RIMS2: variants seen among roughly 807,000 people sequenced by gnomAD.
The protein encoded by RIMS2 is regulating synaptic membrane exocytosis protein 2.
In RIMS2, 59 loss-of-function variants were observed where a neutral mutation model predicts 174.4. The observed-to-expected ratio is 0.34, with a 90% CI of 0.27 to 0.42. RIMS2 has a LOEUF of 0.42. Ranked by LOEUF, RIMS2 falls within the 10% of genes least tolerant of loss-of-function variation. The probability of loss-of-function intolerance (pLI) is 1.00; values close to 1 mark genes in which losing one functional copy is unlikely to be tolerated. For synonymous variants in RIMS2, 606 were observed against 572.5 expected (o/e 1.06, Z -0.84); for missense variants, 1,620 against 1,666.3 (o/e 0.97, Z 0.48).
intron 2 of RIMS2, among the ~76,000 whole-genome samples, chr8:103,753,986 G>A (rs943938240): frequency 6.6e-6 from 1 of 152,040 alleles, no homozygotes; most frequent in African/African-American, 2.4e-5. Context: ...GAATGTGTTT[G>A]CTCTTGCTAC....
At chr8:103,839,863 A>G (rs577251501) in intron 3 of RIMS2, among the ~76,000 whole-genome samples, 1 of 152,046 alleles carries the variant, frequency 6.6e-6, no homozygotes, top group African/African-American at 2.4e-5. Context: ...AGCGCAAAAC[A>G]AAAACAAAAA....
chr8:104,190,237 G>C (rs1380913935), intron 19 of RIMS2, among the ~76,000 whole-genome samples: 2 of 152,082 alleles, frequency 1.3e-5, no homozygotes, highest in Non-Finnish European at 2.9e-5. Context: ...AAGAGTTCAA[G>C]GCTGCAGTGG....
chr8:103,868,208 G>A (rs2099092988), intron 3 of RIMS2, among the ~76,000 whole-genome samples: 2 of 151,932 alleles, frequency 1.3e-5, no homozygotes, highest in Non-Finnish European at 1.5e-5. Flanking sequence ...TAAGGTTCTA[G>A]TATTATAAAT....
intron 1 of RIMS2, chr8:103,568,665 C>G: frequency 1.5e-6 from 1 of 659,088 alleles, no homozygotes; most frequent in South Asian, 1.4e-5. Context: ...AAGCATTTCC[C>G]TAGATAAACA....
At chr8:103,552,359 T>C (rs961501907) in intron 1 of RIMS2, among the ~76,000 whole-genome samples, 10 of 152,186 alleles carry the variant, frequency 6.6e-5, no homozygotes, top group African/African-American at 1.9e-4. Context: ...AAGGATGCCC[T>C]GTTTAATAAA....
At chr8:103,523,277 A>AT (rs1472174046) in intron 1 of RIMS2, among the ~76,000 whole-genome samples, 2 of 152,076 alleles carry the variant, frequency 1.3e-5, no homozygotes, top group Non-Finnish European at 1.5e-5. Context: ...TCATCATTTG[A>AT]TTTTGCATTG....
rs145315847 is a variant in RIMS2 at position 103,955,532 on chromosome 8, C to T, written c.2702-5533C>T. On this transcript the variant is annotated intron_variant, in intron 14 of 23. Transcript: ENST00000504942. ...TTATCTCAATAGATGCAGAAAAGGCCTTAAACAAAATTCAACACCCCTTCA... is the reference window on the plus strand; with the variant it reads ...TTATCTCAATAGATGCAGAAAAGGCTTTAAACAAAATTCAACACCCCTTCA... Among the ~76,000 whole-genome samples the T allele has an allele frequency of 3.0e-3, 460 of 152,160 alleles. 2 individuals are homozygous for T. The highest frequency in any genetic ancestry group is 0.01 in the African/African-American group (427 of 41,506).
chr8:104,042,216 G>C (rs2096621215), intron 19 of RIMS2, among the ~76,000 whole-genome samples: 1 of 151,502 alleles, frequency 6.6e-6, no homozygotes, highest in Non-Finnish European at 1.5e-5. Context: ...GAATTTAGTT[G>C]AATATTAAAC....
At chr8:103,568,828 C>G in intron 1 of RIMS2, 1 of 1,146,114 alleles carries the variant, frequency 8.7e-7, no homozygotes, top group Non-Finnish European at 1.3e-6. Context: ...TGAGCATATT[C>G]TTCTGTAGGG....
intron 4 of RIMS2, among the ~76,000 whole-genome samples, chr8:103,894,218 C>T (rs1032014562): frequency 1.3e-5 from 2 of 148,692 alleles, no homozygotes; most frequent in African/African-American, 5.2e-5. Flanking sequence ...TGAATCTTAA[C>T]TAATGTCAAG....
At chr8:103,875,450 T>C (rs1417990910) in intron 3 of RIMS2, among the ~76,000 whole-genome samples, 1 of 152,004 alleles carries the variant, frequency 6.6e-6, no homozygotes, top group African/African-American at 2.4e-5. Flanking sequence ...TTTCCTTATA[T>C]TTTATTGCTG....
intron 19 of RIMS2, among the ~76,000 whole-genome samples, chr8:104,097,422 A>G (rs1400848102): frequency 6.6e-6 from 1 of 152,174 alleles, no homozygotes; most frequent in Non-Finnish European, 1.5e-5. Context: ...GTTGTTTGGC[A>G]TCATATCATT....
At chr8:103,897,496 A>G (rs1288367179) in intron 4 of RIMS2, among the ~76,000 whole-genome samples, 1 of 151,662 alleles carries the variant, frequency 6.6e-6, no homozygotes, top group Non-Finnish European at 1.5e-5. Context: ...TTACCTTCAT[A>G]TGCATTTTAC....
intron 3 of RIMS2, among the ~76,000 whole-genome samples, chr8:103,870,457 C>A (rs901122422): frequency 6.6e-6 from 1 of 151,878 alleles, no homozygotes; most frequent in Non-Finnish European, 1.5e-5. Context: ...ACATTAATGG[C>A]ATAATGTCTT....
chr8:103,599,283 A>C (rs891051731), intron 1 of RIMS2, among the ~76,000 whole-genome samples: 2 of 151,244 alleles, frequency 1.3e-5, no homozygotes, highest in Admixed American at 1.3e-4. Flanking sequence ...AAGTGGGGAA[A>C]TTCAGGCTCT....
intron 19 of RIMS2, among the ~76,000 whole-genome samples, chr8:104,215,920 G>A (rs963155029): frequency 2.0e-5 from 3 of 152,186 alleles, no homozygotes; most frequent in Non-Finnish European, 4.4e-5. Context: ...TATGGGCAGG[G>A]TAGAGAAACT....
intron 1 of RIMS2, among the ~76,000 whole-genome samples, chr8:103,622,518 T>C (rs2095660315): frequency 6.6e-6 from 1 of 152,188 alleles, no homozygotes; most frequent in African/African-American, 2.4e-5. Flanking sequence ...ATATGTAACA[T>C]TTTTAAGATG....
At chr8:103,729,303 T>C (rs559296154) in intron 2 of RIMS2, among the ~76,000 whole-genome samples, 113 of 152,238 alleles carry the variant, frequency 7.4e-4, no homozygotes, top group South Asian at 1.7e-3. Flanking sequence ...TGAATCTTGG[T>C]AGGTTGTATG....
At chr8:103,591,077 T>A (rs1200232382) in intron 1 of RIMS2, among the ~76,000 whole-genome samples, 1 of 150,864 alleles carries the variant, frequency 6.6e-6, no homozygotes, top group African/African-American at 2.4e-5. Context: ...TGGCCCTCTC[T>A]ATGTTCACTA....
Sources: allele counts gnomAD v4.1 joint callset (sites outside exome capture counted in the v4.1 genomes callset), GRCh38; gene constraint gnomAD v4.1.1; transcripts MANE v1.5; gene names NCBI Gene and HGNC (gene_info 2026-07-23, HGNC 2026-07-21).